ZNF365: variants seen among roughly 807,000 people sequenced by gnomAD.
The protein encoded by ZNF365 is zinc finger protein 365, also known as protein ZNF365.
Under a neutral mutation model 35.0 loss-of-function variants are expected in ZNF365, and 22 were observed. The observed-to-expected ratio is 0.63, with a 90% CI of 0.45 to 0.90. ZNF365 has a LOEUF of 0.90. Ranked by LOEUF, ZNF365 falls within the 40% of genes least tolerant of loss-of-function variation. ZNF365 has a pLI of 0.00. For synonymous variants in ZNF365, 188 were observed against 196.2 expected, an observed-to-expected ratio of 0.96 and a Z score of 0.35; for missense variants, 448 against 500.3, an observed-to-expected ratio of 0.90 and a Z score of 1.00.
chr10:62,450,324 C>T (rs569832788), intron 3 of ZNF365, among the ~76,000 whole-genome samples: 176 of 152,184 alleles, frequency 1.2e-3, no homozygotes, highest in African/African-American at 4.2e-3. Flanking sequence ...CCATACGTCG[C>T]GAAATAAGTA....
chr10:62,472,316 T>A (rs1331771640), intron 4 of ZNF365, among the ~76,000 whole-genome samples: 1 of 152,198 alleles, frequency 6.6e-6, no homozygotes, highest in African/African-American at 2.4e-5. Flanking sequence ...CGTTCCAATA[T>A]CTTTCTGTAA....
chr10:62,448,715 C>T (rs1368069962), intron 3 of ZNF365, among the ~76,000 whole-genome samples: 1 of 152,112 alleles, frequency 6.6e-6, no homozygotes, highest in Non-Finnish European at 1.5e-5. Context: ...GACTATGGAT[C>T]TGGTAAGATG....
chr10:62,471,365 CAA>C (rs768258691), intron 4 of ZNF365, among the ~76,000 whole-genome samples: 15 of 81,108 alleles, frequency 1.8e-4, no homozygotes, highest in Admixed American at 5.5e-4. Flanking sequence ...GACTCTGTCT[CAA>C]AAAAAAAAAA....
chr10:62,442,409 A>G (rs1335254830), intron 3 of ZNF365, among the ~76,000 whole-genome samples: 1 of 152,238 alleles, frequency 6.6e-6, no homozygotes, highest in Non-Finnish European at 1.5e-5. Flanking sequence ...TGAGCAATCA[A>G]ACTACATTCT....
chr10:62,404,528 T>C (rs375087079), downstream of ZNF365, among the ~76,000 whole-genome samples: 2 of 152,220 alleles, frequency 1.3e-5, no homozygotes, highest in African/African-American at 4.8e-5. Context: ...TCTCAGCCAT[T>C]GTTCTTTTTA....
At chr10:62,460,616 T>C (rs1458687757) in intron 4 of ZNF365, among the ~76,000 whole-genome samples, 1 of 152,196 alleles carries the variant, frequency 6.6e-6, no homozygotes, top group Non-Finnish European at 1.5e-5. Context: ...TGGGGACTAC[T>C]GTATAGAAAA....
At chr10:62,397,274 T>A (rs77483436) in intron 3 of ZNF365, among the ~76,000 whole-genome samples, 1 of 622 alleles carries the variant, frequency 1.6e-3, no homozygotes. Flanking sequence ...CTGAGCCTCC[T>A]TTTTTTTTTT....
intron 4 of ZNF365, among the ~76,000 whole-genome samples, chr10:62,463,457 A>G (rs1334167610): frequency 6.6e-6 from 1 of 152,232 alleles, no homozygotes; most frequent in Non-Finnish European, 1.5e-5. Flanking sequence ...AAATGTTGAA[A>G]AGCTCCCTCA....
Position 62,402,420 on chromosome 10 carries a change from A to T in ZNF365, c.*2631A>T. 1 of 985,024 alleles carries T rather than the reference A, an allele frequency of 1.0e-6. No individual in the cohort carries two copies. Among genetic ancestry groups the T allele is most frequent in the Non-Finnish European group, 1.2e-6 (1 of 829,422 alleles). 61.0% of individuals were successfully genotyped at this position (985,024 alleles called of 1,614,324 possible). A position where few individuals can be genotyped will look rare whatever the true frequency, so the allele number is the denominator to read the frequency against. On this transcript the variant is annotated 3_prime_UTR_variant, in exon 5 of 5. Coordinates refer to ENST00000395254, the MANE Select transcript of ZNF365 (RefSeq NM_014951.3). ...TAAAGAAGTTTTTAGATTATGAAATATTATGATAATAAAGCTATATTTCTG... is the reference window on the plus strand; with the variant it reads ...TAAAGAAGTTTTTAGATTATGAAATTTTATGATAATAAAGCTATATTTCTG...
intron 3 of ZNF365, among the ~76,000 whole-genome samples, chr10:62,432,382 A>T (rs754418562): frequency 1.2e-4 from 18 of 152,340 alleles, no homozygotes; most frequent in Non-Finnish European, 2.4e-4. Context: ...TCAACCCTGA[A>T]TTCAATCTTC....
intron 2 of ZNF365, among the ~76,000 whole-genome samples, chr10:62,384,598 G>C (rs1328708785): frequency 6.6e-6 from 1 of 152,226 alleles, no homozygotes; most frequent in Non-Finnish European, 1.5e-5. Flanking sequence ...CAAATTTGTT[G>C]TTTTGGTTGA....
chr10:62,476,440 C>G (rs1189933574), intron 4 of ZNF365, among the ~76,000 whole-genome samples: 1 of 152,154 alleles, frequency 6.6e-6, no homozygotes, highest in Admixed American at 6.6e-5. Flanking sequence ...GGGATAGCAG[C>G]CAACAATTAG....
chr10:62,471,847 G>A (rs1367420877), intron 4 of ZNF365, among the ~76,000 whole-genome samples: 1 of 152,190 alleles, frequency 6.6e-6, no homozygotes, highest in Non-Finnish European at 1.5e-5. Context: ...GCAAGAGGCA[G>A]CACTCTATTC....
intron 3 of ZNF365, among the ~76,000 whole-genome samples, chr10:62,410,238 G>T (rs1839965674): frequency 6.6e-6 from 1 of 152,140 alleles, no homozygotes; most frequent in African/African-American, 2.4e-5. Flanking sequence ...ATTGGTTCTG[G>T]AGAGAAAATT....
chr10:62,463,791 T>C (rs1840886740), intron 4 of ZNF365, among the ~76,000 whole-genome samples: 1 of 152,234 alleles, frequency 6.6e-6, no homozygotes, highest in Admixed American at 6.5e-5. Context: ...CTTTTCTAGC[T>C]CTTCTCTAGC....
At chr10:62,405,609 G>A (rs1056437974), downstream of ZNF365, among the ~76,000 whole-genome samples, 2 of 152,324 alleles carry the variant, frequency 1.3e-5, no homozygotes, top group Middle Eastern at 3.4e-3. Context: ...ACCTATGCAA[G>A]CCACTATGGG....
At chr10:62,441,483 A>T (rs1401956945) in intron 3 of ZNF365, among the ~76,000 whole-genome samples, 3 of 152,118 alleles carry the variant, frequency 2.0e-5, no homozygotes, top group Non-Finnish European at 4.4e-5. Context: ...ACATGATCTT[A>T]TTAGAAGTCA....
chr10:62,472,366 G>A (rs944209878), intron 4 of ZNF365, among the ~76,000 whole-genome samples: 1 of 152,152 alleles, frequency 6.6e-6, no homozygotes, highest in Non-Finnish European at 1.5e-5. Flanking sequence ...CTATGTCAAG[G>A]TCCTAAACCT....
At chr10:62,429,383 T>C (rs913616625) in intron 3 of ZNF365, among the ~76,000 whole-genome samples, 1 of 152,220 alleles carries the variant, frequency 6.6e-6, no homozygotes, top group African/African-American at 2.4e-5. Context: ...ACTATAAGCA[T>C]AGCTGCAATT....
Sources: gnomAD v4.1 joint callset for allele counts (sites outside exome capture counted in the v4.1 genomes callset) on GRCh38, gnomAD v4.1.1 for gene constraint, MANE v1.5 for transcripts, NCBI Gene and HGNC (gene_info 2026-07-23, HGNC 2026-07-21) for gene names.